LUZP2: variants seen among roughly 807,000 people sequenced by gnomAD.
The protein encoded by LUZP2 is leucine zipper protein 2.
A neutral mutation model predicts 51.6 loss-of-function variants in LUZP2; 52 were observed. The ratio of observed to expected loss-of-function variants is 1.01; its 90% CI spans 0.81 to 1.27. LUZP2 has a LOEUF of 1.27. LUZP2 is among the 50% of genes most tolerant of loss of function. The pLI, the probability that LUZP2 is intolerant of heterozygous loss-of-function variation, is 0.00. For synonymous variants in LUZP2, 154 were observed against 137.3 expected, an observed-to-expected ratio of 1.12 and a Z score of -0.85; for missense variants, 436 against 395.4, an observed-to-expected ratio of 1.10 and a Z score of -0.87.
At chr11:24,669,278 T>A (rs1473814473) in intron 1 of LUZP2, among the ~76,000 whole-genome samples, 1 of 152,182 alleles carries the variant, frequency 6.6e-6, no homozygotes, top group Non-Finnish European at 1.5e-5. Context: ...TTATTTTTTG[T>A]CTTCCAAATT....
intron 9 of LUZP2, among the ~76,000 whole-genome samples, chr11:24,989,777 A>C (rs1405568998): frequency 6.6e-6 from 1 of 152,162 alleles, no homozygotes; most frequent in Non-Finnish European, 1.5e-5. Flanking sequence ...CAAGTCACTA[A>C]GCTAAACAAT....
chr11:24,892,524 T>A, intron 5 of LUZP2: 1 of 568,002 alleles, frequency 1.8e-6, no homozygotes, highest in Non-Finnish European at 2.2e-6. Context: ...TAACTCTATT[T>A]GTTAATGTTT....
chr11:24,955,383 G>A (rs1487276003), intron 7 of LUZP2, among the ~76,000 whole-genome samples: 3 of 151,968 alleles, frequency 2.0e-5, no homozygotes, highest in African/African-American at 7.2e-5. Context: ...AGGAAAAAGA[G>A]AGAGAAGGAT....
intron 7 of LUZP2, among the ~76,000 whole-genome samples, chr11:24,960,163 T>G (rs533912111): frequency 1.3e-5 from 2 of 152,182 alleles, no homozygotes; most frequent in Non-Finnish European, 2.9e-5. Flanking sequence ...AGTATTTTAT[T>G]GAGGATTTTT....
At chr11:24,832,299 A>C (rs2134181159) in intron 5 of LUZP2, among the ~76,000 whole-genome samples, 1 of 152,120 alleles carries the variant, frequency 6.6e-6, no homozygotes, top group East Asian at 1.9e-4. Context: ...TGATTACATT[A>C]TCTCCTGTAA....
intron 7 of LUZP2, among the ~76,000 whole-genome samples, chr11:24,959,154 G>A (rs2133875436): frequency 6.6e-6 from 1 of 152,254 alleles, no homozygotes; most frequent in South Asian, 2.1e-4. Context: ...TTTGGTTACT[G>A]TAGGCTTGTA....
At chr11:24,521,587 T>C (rs1400804432) in intron 1 of LUZP2, among the ~76,000 whole-genome samples, 1 of 152,124 alleles carries the variant, frequency 6.6e-6, no homozygotes, top group Non-Finnish European at 1.5e-5. Flanking sequence ...AATATATCAT[T>C]GCCCACCTTA....
chr11:24,961,051 G>A (rs1457971382), intron 7 of LUZP2, among the ~76,000 whole-genome samples: 1 of 152,152 alleles, frequency 6.6e-6, no homozygotes, highest in Non-Finnish European at 1.5e-5. Context: ...ATGTAGTTGA[G>A]CGGTTTTGAG....
At chr11:24,812,079 A>G (rs1236211691) in intron 5 of LUZP2, among the ~76,000 whole-genome samples, 2 of 152,184 alleles carry the variant, frequency 1.3e-5, no homozygotes, top group African/African-American at 4.8e-5. Context: ...GTTTCATCAG[A>G]GTTTCTCACC....
At chr11:24,788,390 A>G (rs1327010020) in intron 5 of LUZP2, among the ~76,000 whole-genome samples, 1 of 151,690 alleles carries the variant, frequency 6.6e-6, no homozygotes, top group Non-Finnish European at 1.5e-5. Flanking sequence ...GGGTTTCACC[A>G]TATTGGCCTG....
chr11:24,957,416 A>G (rs1855241452), intron 7 of LUZP2, among the ~76,000 whole-genome samples: 1 of 152,102 alleles, frequency 6.6e-6, no homozygotes, highest in African/African-American at 2.4e-5. Context: ...CATAATATTT[A>G]CTATATTCAT....
intron 1 of LUZP2, among the ~76,000 whole-genome samples, chr11:24,710,124 T>C (rs1004209330): frequency 1.3e-5 from 2 of 152,098 alleles, no homozygotes; most frequent in African/African-American, 4.8e-5. Flanking sequence ...GTGTCTTCAG[T>C]AGTGAAAGTG....
chr11:25,041,033 C>A (rs1858037818), intron 9 of LUZP2, among the ~76,000 whole-genome samples: 2 of 152,036 alleles, frequency 1.3e-5, no homozygotes, highest in South Asian at 4.1e-4. Flanking sequence ...CATTTGTGTC[C>A]TTTCTCTCTG....
intron 1 of LUZP2, among the ~76,000 whole-genome samples, chr11:24,723,288 TA>T (rs1342678081): frequency 3.3e-5 from 5 of 152,216 alleles, no homozygotes; most frequent in Non-Finnish European, 7.3e-5. Context: ...ACCCTGCAAC[TA>T]ATTTGAAAAA....
intron 1 of LUZP2, among the ~76,000 whole-genome samples, chr11:24,699,277 T>G (rs1404963719): frequency 6.6e-6 from 1 of 152,166 alleles, no homozygotes; most frequent in Non-Finnish European, 1.5e-5. Context: ...TCAATTTTAC[T>G]AGAATCCATG....
intron 1 of LUZP2, among the ~76,000 whole-genome samples, chr11:24,629,988 GTCT>G (rs971805192): frequency 6.2e-4 from 93 of 149,476 alleles, no homozygotes; most frequent in African/African-American, 2.2e-3. Context: ...CCATTTGTAT[GTCT>G]TCTTTTGAAA....
At chr11:24,632,952 A>G (rs1487726733) in intron 1 of LUZP2, among the ~76,000 whole-genome samples, 1 of 152,032 alleles carries the variant, frequency 6.6e-6, no homozygotes, top group Non-Finnish European at 1.5e-5. Flanking sequence ...CAACCAATGG[A>G]TCTCAAAGGA....
chr11:24,504,560 T>C (rs2133758809), intron 1 of LUZP2, among the ~76,000 whole-genome samples: 1 of 152,208 alleles, frequency 6.6e-6, no homozygotes, highest in African/African-American at 2.4e-5. Flanking sequence ...TTAAATAAAA[T>C]GTATTTAAGT....
chr11:24,747,033 G>A (rs551967341), intron 4 of LUZP2, among the ~76,000 whole-genome samples: 15 of 152,162 alleles, frequency 9.9e-5, no homozygotes, highest in Admixed American at 3.3e-4. Context: ...ATAACTAACC[G>A]CCTGAATTCT....
Sources: allele counts gnomAD v4.1 joint callset (sites outside exome capture counted in the v4.1 genomes callset), GRCh38; gene constraint gnomAD v4.1.1; transcripts MANE v1.5; gene names NCBI Gene and HGNC (gene_info 2026-07-23, HGNC 2026-07-21).